LYZL6: variants seen among roughly 807,000 people sequenced by gnomAD.
The protein encoded by LYZL6 is lysozyme like 6, also known as lysozyme-like protein 6.
LYZL6 carries 21 observed loss-of-function variants against 15.0 expected under a neutral mutation model. The ratio of observed to expected loss-of-function variants is 1.40; its 90% CI spans 1.00 to 2.02. The LOEUF (loss-of-function observed/expected upper bound fraction) is 2.02, where lower values mean the gene tolerates loss of function less well. LYZL6 is among the 30% of genes most tolerant of loss of function. The pLI, the probability that LYZL6 is intolerant of heterozygous loss-of-function variation, is 0.00. For synonymous variants in LYZL6, 72 were observed against 67.8 expected, an observed-to-expected ratio of 1.06 and a Z score of -0.31; for missense variants, 173 against 180.5, an observed-to-expected ratio of 0.96 and a Z score of 0.24.
At chr17:35,936,602 G>T (rs975924132) in intron 4 of LYZL6, 153 bp downstream of exon 4, 32 of 632,826 alleles carry the variant, frequency 5.1e-5, no homozygotes, top group Non-Finnish European at 8.7e-5. Flanking sequence ...TATCATAGAA[G>T]AACCAGATCT....
chr17:35,935,326 A>G (rs1227011420), intron 4 of LYZL6, among the ~76,000 whole-genome samples: 3 of 152,224 alleles, frequency 2.0e-5, no homozygotes, highest in Non-Finnish European at 4.4e-5. Context: ...GAAGCTCAGA[A>G]AAGGTGACTA....
chr17:35,934,921 A>G (rs930539909), intron 4 of LYZL6, 56 bp from the exon 5 acceptor site: 1 of 1,546,642 alleles, frequency 6.5e-7, no homozygotes, highest in African/African-American at 1.4e-5. Context: ...TTCCACACAC[A>G]TGACCCAGTT....
chr17:35,934,907 A>C lies in LYZL6; in HGVS notation c.378-42T>G, dbSNP rs145396639. ...CATGGTTCTTGCCTCACACTCAGTAACTCTTCCACACACATGACCCAGTTC... is the reference window on the plus strand; with the variant it reads ...CATGGTTCTTGCCTCACACTCAGTACCTCTTCCACACACATGACCCAGTTC... On this transcript the variant is annotated intron_variant, in intron 4 of 4. Coordinates refer to ENST00000615905, the MANE Select transcript of LYZL6 (RefSeq NM_020426.4). The C allele has an allele frequency of 1.6e-3, 2,544 of 1,586,222 alleles. 50 individuals carry two copies. The African/African-American group carries it at 0.031, about 19-fold the overall frequency.
intron 3 of LYZL6, 38 bp from the exon 4 acceptor site, chr17:35,936,871 A>G (rs1225790644): frequency 6.3e-7 from 1 of 1,575,272 alleles, no homozygotes; most frequent in Non-Finnish European, 8.7e-7. Context: ...AGGGCACAGA[A>G]GACAGCCCCA....
intron 1 of LYZL6, among the ~76,000 whole-genome samples, chr17:35,941,067 G>A (rs1020550434): frequency 1.2e-4 from 19 of 152,138 alleles, no homozygotes; most frequent in African/African-American, 4.6e-4. Context: ...AAGCTTATGA[G>A]GCCTACCAGA....
intron 1 of LYZL6, among the ~76,000 whole-genome samples, chr17:35,941,520 G>C (rs183366831): frequency 3.0e-4 from 45 of 152,036 alleles, no homozygotes; most frequent in African/African-American, 1.1e-3. Flanking sequence ...TTGTCCTTTT[G>C]TTGGGTGTGC....
At chr17:35,940,862 G>A (rs2526330) in intron 1 of LYZL6, among the ~76,000 whole-genome samples, 96,851 of 152,154 alleles carry the variant, frequency 0.64, 32,395 homozygotes, top group East Asian at 0.74. Context: ...CCTTTCTATG[G>A]TTGAATAATA....
rs2089353459 is a variant in LYZL6, at chr17:35,934,650, T to TTA, written c.*144_*145dup. 5.6e-6 allele frequency: 4 copies of TTA among 713,992 alleles called. No homozygotes were observed. In the South Asian group the frequency reaches 8.0e-5, roughly 14 times the overall value. The allele number at this position is 713,992 out of a possible 1,614,324, so 44.2% of individuals were successfully genotyped here. ...GTAAGGAGGAAGCCAAGAAAACCAT[T>TTA]TATTCCTGGGGCTCTGGTCAGTTTT... On this transcript the variant is annotated 3_prime_UTR_variant, in exon 5 of 5. Coordinates refer to ENST00000615905, the MANE Select transcript of LYZL6 (RefSeq NM_020426.4).
chr17:35,940,741 A>G (rs1432383779), intron 1 of LYZL6, among the ~76,000 whole-genome samples: 4 of 152,190 alleles, frequency 2.6e-5, no homozygotes, highest in African/African-American at 4.8e-5. Flanking sequence ...TCTTCTGGAC[A>G]TTTCATACAC....
intron 4 of LYZL6, among the ~76,000 whole-genome samples, chr17:35,935,610 G>A (rs1457327007): frequency 2.0e-5 from 3 of 151,896 alleles, no homozygotes; most frequent in Non-Finnish European, 4.4e-5. Context: ...CGGCCCACAG[G>A]GTCAGTGCCT....
chr17:35,934,564 T>G lies in LYZL6; in HGVS notation c.*232A>C. 1.9e-6 allele frequency: 1 copy of G among 533,674 alleles called. No homozygotes were observed. Among genetic ancestry groups the G allele is most frequent in the Non-Finnish European group, 3.3e-6 (1 of 301,060 alleles). The allele number at this position is 533,674 out of a possible 1,614,324, so 33.1% of individuals were successfully genotyped here. On this transcript the variant is annotated 3_prime_UTR_variant, in exon 5 of 5. Transcript: ENST00000615905. ...TATTTCGATAAATATAAAGATTTCT[T>G]TATTGTGGTCCTCAGTTTACAAATA...
Position 35,937,765 on chromosome 17 carries a change from G to C in LYZL6, c.291C>G (p.Asp97Glu). ...CTGGGGCCCTGGCCAGACCTTGACA[G>C]TCTACGTGGCAAAGGTTTTCCGAGT... ...KSYSENLCHV[D>E]CQDLLNPNLL... The change falls in exon 3 of 5, where the codon GAC becomes GAG. Residue 97 changes from aspartate (D) to glutamate (E), a missense_variant. Coordinates refer to ENST00000615905, the MANE Select transcript of LYZL6 (RefSeq NM_020426.4). 6.2e-7 allele frequency: 1 copy of C among 1,614,112 alleles called. No homozygotes were observed. Among genetic ancestry groups the C allele is most frequent in the South Asian group, 1.1e-5 (1 of 91,066 alleles).
rs1176069720 is a variant in LYZL6, at chr17:35,936,743, T to A, written c.377+12A>T. The A allele has an allele frequency of 6.2e-7, 1 of 1,612,372 alleles. No homozygotes were observed. Among genetic ancestry groups the A allele is most frequent in the South Asian group, 1.1e-5 (1 of 91,066 alleles). ...GGGCTCTGCCCGCTGAGTCCCACCG[T>A]GTCCTCCTCACCAGTTGTTCATCCC... On this transcript the variant is annotated intron_variant, in intron 4 of 4. Coordinates refer to ENST00000615905, the MANE Select transcript of LYZL6 (RefSeq NM_020426.4).
At chr17:35,935,439 G>A (rs749883828) in intron 4 of LYZL6, among the ~76,000 whole-genome samples, 12 of 151,960 alleles carry the variant, frequency 7.9e-5, no homozygotes, top group Non-Finnish European at 1.5e-4. Context: ...TTTTTGAGAC[G>A]GATTCTTTCT....
chr17:35,937,592 A>G (rs933215325), intron 3 of LYZL6, among the ~76,000 whole-genome samples, 166 bp downstream of exon 3: 1 of 152,266 alleles, frequency 6.6e-6, no homozygotes, highest in East Asian at 1.9e-4. Flanking sequence ...TCCTAACTGG[A>G]TGGGCATTAG....
intron 1 of LYZL6, among the ~76,000 whole-genome samples, chr17:35,942,164 A>G (rs918776441): frequency 6.6e-6 from 1 of 152,252 alleles, no homozygotes; most frequent in African/African-American, 2.4e-5. Context: ...GGCCAATGCC[A>G]TGAAAACTGA....
At chr17:35,935,810 C>T (rs2089366678) in intron 4 of LYZL6, among the ~76,000 whole-genome samples, 1 of 149,452 alleles carries the variant, frequency 6.7e-6, no homozygotes. Context: ...CTGCGCCCAG[C>T]CGCCACATTT....
chr17:35,935,426 C>G (rs1693219318), intron 4 of LYZL6, among the ~76,000 whole-genome samples: 1 of 151,404 alleles, frequency 6.6e-6, no homozygotes, highest in South Asian at 2.1e-4. Flanking sequence ...TTTTTTGTTT[C>G]TTTTTTTGAG....
At chr17:35,942,948 T>C (rs1322755586) in intron 1 of LYZL6, among the ~76,000 whole-genome samples, 1 of 152,058 alleles carries the variant, frequency 6.6e-6, no homozygotes. Context: ...GGGAATGGGG[T>C]GAGAGCCTAT....
Sources: gnomAD v4.1 joint callset for allele counts (sites outside exome capture counted in the v4.1 genomes callset) on GRCh38, gnomAD v4.1.1 for gene constraint, MANE v1.5 for transcripts, NCBI Gene and HGNC (gene_info 2026-07-23, HGNC 2026-07-21) for gene names.